Variants in SP110 observed in about 807,000 individuals in gnomAD.
The protein encoded by SP110 is interferon-induced protein 41, 30kD.
Under a neutral mutation model 92.7 loss-of-function variants are expected in SP110, and 62 were observed. The ratio of observed to expected loss-of-function variants is 0.67; its 90% CI spans 0.55 to 0.83. The LOEUF is 0.83. SP110 is among the 40% of genes least tolerant of loss of function. The pLI, the probability that SP110 is intolerant of heterozygous loss-of-function variation, is 0.00. For missense variants in SP110, 793 were observed against 863.9 expected (o/e 0.92, Z 1.03); for synonymous variants, 273 against 305.3 (o/e 0.89, Z 1.10).
intron 9 of SP110, among the ~76,000 whole-genome samples, chr2:230,201,867 A>T (rs1317281481): frequency 1.3e-5 from 2 of 152,252 alleles, no homozygotes; most frequent in Non-Finnish European, 1.5e-5. Flanking sequence ...TTAAGAAACT[A>T]TCACTTGTTG....
At chr2:230,212,281 G>A in intron 5 of SP110, 66 bp downstream of exon 5, 1 of 1,186,278 alleles carries the variant, frequency 8.4e-7, no homozygotes, top group South Asian at 1.2e-5. Flanking sequence ...CCTCTTGGTT[G>A]GCAGACGCAT....
At chr2:230,222,048 C>T (rs929764393), upstream of SP110, among the ~76,000 whole-genome samples, 3 of 152,084 alleles carry the variant, frequency 2.0e-5, no homozygotes, top group East Asian at 5.8e-4. Context: ...GCCAACATGG[C>T]AAAATCCCGT....
At chr2:230,183,763 G>T in intron 11 of SP110, 123 bp from the exon 12 acceptor site, 1 of 732,948 alleles carries the variant, frequency 1.4e-6, no homozygotes. Flanking sequence ...TTACATATGA[G>T]TCCTTATGAA....
rs754325607 is a variant in SP110 at position 230,170,623 on chromosome 2, T to C, written c.2026A>G (p.Lys676Glu). 11 of 1,614,122 alleles carry C rather than the reference T, an allele frequency of 6.8e-6. No homozygotes were observed. The highest frequency in any genetic ancestry group is 4.5e-5 in the East Asian group (2 of 44,882). The part of the protein sequence containing the change: ...LMFRNHKTFY[K>E]ASDFGQVGLD... ...AGGAAGCAGGAAATGCTCTTTACCT[T>C]GTAAAATGTTTTATGGTTGCGAAAC... is the stretch of plus-strand genomic sequence containing the variant. The change falls in exon 18 of 19, where the codon AAG becomes GAG. Residue 676 changes from lysine to glutamate, a missense_variant and splice_region_variant. By Grantham distance (56) the Lys-to-Glu change is moderately conservative. Coordinates refer to ENST00000258381, the MANE Select transcript of SP110 (RefSeq NM_080424.4).
rs1190654823 is a variant in SP110, at chr2:230,186,151, A to G, written c.1130-8T>C. Reference sequence around the variant, plus strand: ...GCCCAGGTGAGGCTGCCCCTGGACCAAATAGACTTGTGAATAGTTTAGTGA... The same window carrying G: ...GCCCAGGTGAGGCTGCCCCTGGACCGAATAGACTTGTGAATAGTTTAGTGA... On this transcript the variant is annotated splice_polypyrimidine_tract_variant and splice_region_variant and intron_variant, in intron 10 of 18. Coordinates refer to ENST00000258381, the MANE Select transcript of SP110 (RefSeq NM_080424.4). 1.2e-6 allele frequency: 2 copies of G among 1,613,854 alleles called. No individual in the cohort carries two copies. Among genetic ancestry groups the G allele is most frequent in the Non-Finnish European group, 1.7e-6 (2 of 1,179,872 alleles).
At chr2:230,175,040 A>AG (rs1209973106) in intron 14 of SP110, among the ~76,000 whole-genome samples, 1 of 151,326 alleles carries the variant, frequency 6.6e-6, no homozygotes, top group Non-Finnish European at 1.5e-5. Flanking sequence ...TGGATTTTAA[A>AG]GATTTTTTTT....
chr2:230,176,579 C>G, intron 14 of SP110: 2 of 1,611,404 alleles, frequency 1.2e-6, no homozygotes, highest in Non-Finnish European at 1.7e-6. Context: ...GTGGAGGTGA[C>G]TCAGAGCTTG....
intron 14 of SP110, among the ~76,000 whole-genome samples, chr2:230,174,979 C>A (rs2041786708): frequency 6.6e-6 from 1 of 151,904 alleles, no homozygotes; most frequent in African/African-American, 2.4e-5. Context: ...TGACATGTGG[C>A]ATTAGGAGAG....
chr2:230,198,565 G>A (rs1251455428), intron 10 of SP110, among the ~76,000 whole-genome samples: 1 of 152,054 alleles, frequency 6.6e-6, no homozygotes, highest in East Asian at 1.9e-4. Flanking sequence ...AGGTGTGGCC[G>A]TGCAACCAGT....
intron 17 of SP110, 170 bp downstream of exon 17, chr2:230,171,516 TGAACCAGGTA>T: frequency 1.5e-6 from 1 of 650,702 alleles, no homozygotes; most frequent in Non-Finnish European, 2.8e-6. Context: ...GGGTGGAGTT[TGAACCAGGTA>T]GTCCCTCTCC....
In SP110 at chr2:230,166,100, G is replaced by T. The variant is rs1400093580; in HGVS notation, c.*3024C>A. On this transcript the variant is annotated 3_prime_UTR_variant, in exon 19 of 19. Coordinates refer to ENST00000258381, the MANE Select transcript of SP110 (RefSeq NM_080424.4). ...GTAGAGACGGGGTTTCACCACGTTG[G>T]TCAGGCTGGTCTCGATCTCTTGACC... is the stretch of plus-strand genomic sequence containing the variant. Among the ~76,000 whole-genome samples the T allele has an allele frequency of 6.6e-6, 1 of 152,052 alleles. No homozygotes were observed. The highest frequency in any genetic ancestry group is 1.5e-5 in the Non-Finnish European group (1 of 68,016).
At chr2:230,205,631 G>A (rs2043696122) in intron 8 of SP110, among the ~76,000 whole-genome samples, 1 of 152,000 alleles carries the variant, frequency 6.6e-6, no homozygotes, top group Admixed American at 6.6e-5. Context: ...TTTCAGAATG[G>A]GTATATACAG....
intron 10 of SP110, among the ~76,000 whole-genome samples, chr2:230,186,997 T>C (rs2042391663): frequency 6.6e-6 from 1 of 152,170 alleles, no homozygotes; most frequent in South Asian, 2.1e-4. Context: ...TAATGACTTA[T>C]TTTCCTTTGG....
At chr2:230,198,709 C>T (rs181648326) in intron 10 of SP110, among the ~76,000 whole-genome samples, 22 of 152,190 alleles carry the variant, frequency 1.4e-4, no homozygotes, top group African/African-American at 4.8e-4. Context: ...ATTCTCCTGT[C>T]TCAGCCTCCT....
At chr2:230,222,220 AT>A (rs2045882771), upstream of SP110, among the ~76,000 whole-genome samples, 1 of 147,670 alleles carries the variant, frequency 6.8e-6, no homozygotes, top group South Asian at 2.2e-4. Flanking sequence ...ACAGAGTGAG[AT>A]CCCGCCTCAA....
intron 1 of SP110, among the ~76,000 whole-genome samples, chr2:230,219,307 T>C (rs1177368737): frequency 1.3e-5 from 2 of 152,168 alleles, no homozygotes; most frequent in Admixed American, 6.5e-5. Flanking sequence ...TTGGCCAAGA[T>C]AGAAAATAAT....
intron 17 of SP110, 94 bp downstream of exon 17, chr2:230,171,602 T>C: frequency 1.0e-6 from 1 of 968,342 alleles, no homozygotes; most frequent in Non-Finnish European, 1.7e-6. Context: ...TCTTCTGTTC[T>C]CCAGCTTCCT....
chr2:230,185,424 G>C (rs556698937), intron 11 of SP110, among the ~76,000 whole-genome samples: 1 of 152,122 alleles, frequency 6.6e-6, no homozygotes, highest in Admixed American at 6.5e-5. Context: ...AAACACCGGT[G>C]GAATATCACC....
intron 8 of SP110, among the ~76,000 whole-genome samples, chr2:230,206,574 A>T (rs2043828845): frequency 7.7e-6 from 1 of 129,358 alleles, no homozygotes; most frequent in African/African-American, 2.8e-5. Flanking sequence ...TCCAGATATT[A>T]TATATTATCT....
Sources: gnomAD v4.1 joint callset for allele counts (sites outside exome capture counted in the v4.1 genomes callset) on GRCh38, gnomAD v4.1.1 for gene constraint, MANE v1.5 for transcripts, NCBI Gene and HGNC (gene_info 2026-07-23, HGNC 2026-07-21) for gene names.